The following ENOX2 variants were observed in gnomAD, a reference collection of about 807,000 sequenced individuals.
ENOX2 encodes the protein ecto-NOX disulfide-thiol exchanger 2, also known as APK1 antigen.
In ENOX2, 36 loss-of-function variants were observed where a neutral mutation model predicts 45.0. The observed-to-expected ratio is 0.80, with a 90% confidence interval of 0.61 to 1.06. ENOX2 has a LOEUF of 1.06. ENOX2 is among the 50% of genes least tolerant of loss of function. The pLI, the probability that ENOX2 is intolerant of heterozygous loss-of-function variation, is 0.00. For missense variants in ENOX2, 423 were observed against 462.5 expected (o/e 0.91, Z 0.78); for synonymous variants, 174 against 152.3 (o/e 1.14, Z -1.05).
intron 10 of ENOX2, among the ~76,000 whole-genome samples, chrX:130,647,524 C>G (rs1359012463): frequency 1.8e-5 from 2 of 111,365 alleles, no homozygotes; most frequent in East Asian, 5.6e-4. Flanking sequence ...ATAAAGCACT[C>G]CCCATTTTTC....
At chrX:130,841,941 T>C (rs1193767588) in intron 2 of ENOX2, among the ~76,000 whole-genome samples, 3 of 112,502 alleles carry the variant, frequency 2.7e-5, no homozygotes, top group Non-Finnish European at 5.6e-5. Flanking sequence ...CTTTTCCAAT[T>C]TGATTTATGC....
intron 9 of ENOX2, among the ~76,000 whole-genome samples, chrX:130,657,080 TTC>T (rs1484136696): frequency 8.9e-6 from 1 of 112,115 alleles, no homozygotes; most frequent in Non-Finnish European, 1.9e-5. Context: ...TGCCATTCTC[TTC>T]TCTGTCTTTT....
At chrX:130,761,801 C>T (rs1250825628) in intron 3 of ENOX2, among the ~76,000 whole-genome samples, 2 of 111,077 alleles carry the variant, frequency 1.8e-5, no homozygotes, top group African/African-American at 6.6e-5. Flanking sequence ...GGGTTCTGCC[C>T]CCATGACCCA....
chrX:130,832,436 C>CAT (rs1556500557), intron 2 of ENOX2, among the ~76,000 whole-genome samples: 129 of 78,836 alleles, frequency 1.6e-3, no homozygotes, highest in Non-Finnish European at 2.3e-3. Flanking sequence ...CACACACACA[C>CAT]ACATACACAC....
At chrX:130,669,922 G>T (rs1275939623) in intron 7 of ENOX2, 43 bp downstream of exon 7, 1 of 967,565 alleles carries the variant, frequency 1.0e-6, no homozygotes, top group East Asian at 3.1e-5. Flanking sequence ...CTTCTCTAAA[G>T]AAAAGAGTTC....
chrX:130,803,697 G>C (rs1292380351), intron 2 of ENOX2, among the ~76,000 whole-genome samples: 2 of 111,420 alleles, frequency 1.8e-5, no homozygotes, highest in African/African-American at 6.5e-5. Flanking sequence ...GAATTAAAAA[G>C]TTGTTATAGG....
At chrX:130,707,293 G>A (rs1308908467) in intron 3 of ENOX2, among the ~76,000 whole-genome samples, 1 of 111,759 alleles carries the variant, frequency 8.9e-6, no homozygotes, top group African/African-American at 3.3e-5. Context: ...GAGTGGCTGT[G>A]AGTAAGTGCC....
Position 130,676,630 on chromosome X carries a change from C to T in ENOX2, c.460+2912G>A, listed in dbSNP as rs948998849. Among the ~76,000 whole-genome samples the T allele has an allele frequency of 2.7e-5, 3 of 111,231 alleles. No individual in the cohort carries two copies. The South Asian group carries it at 1.2e-3, about 43-fold the overall frequency. ...CTTTATGTTCTTATTAAAATAGTCT[C>T]GTGGAATGCTCTGTTATTATTAAGT... On this transcript the variant is annotated intron_variant, in intron 6 of 14. Coordinates refer to ENST00000394363, the MANE Select transcript of ENOX2 (RefSeq NM_006375.4).
chrX:130,682,583 CAAAA>C (rs55875735), intron 5 of ENOX2, among the ~76,000 whole-genome samples: 9 of 14,652 alleles, frequency 6.1e-4, no homozygotes, highest in African/African-American at 1.8e-3. Flanking sequence ...GACTCCGTCT[CAAAA>C]AAAAAAAAAA....
At chrX:130,882,335 A>AT (rs560396895) in intron 2 of ENOX2, among the ~76,000 whole-genome samples, 1 of 89,317 alleles carries the variant, frequency 1.1e-5, no homozygotes, top group Admixed American at 1.2e-4. Flanking sequence ...TCTATTTGGA[A>AT]AAAAAAAAAA....
chrX:130,895,508 C>G (rs771585826), intron 2 of ENOX2, among the ~76,000 whole-genome samples: 2 of 112,134 alleles, frequency 1.8e-5, no homozygotes, highest in East Asian at 5.6e-4. Context: ...CAATGTTGTT[C>G]TCTGAAGTAA....
At chrX:130,854,938 A>C (rs1439507659) in intron 2 of ENOX2, among the ~76,000 whole-genome samples, 1 of 111,741 alleles carries the variant, frequency 8.9e-6, no homozygotes, top group Non-Finnish European at 1.9e-5. Context: ...AAGCATCTAC[A>C]AAAAAAATCT....
Position 130,807,785 on chromosome X carries a change from C to G in ENOX2, c.-182-24095G>C, listed in dbSNP as rs139630006. Among the ~76,000 whole-genome samples the G allele has an allele frequency of 8.0e-3, 899 of 111,807 alleles. 10 individuals are homozygous for G. The highest frequency in any genetic ancestry group is 0.028 in the African/African-American group (847 of 30,757). ...CTTTTCAAACAACCAGAATAGTAGA[C>G]TAAGAAGGGCTCTGGAGTCAAACTG... On this transcript the variant is annotated intron_variant, in intron 2 of 14. Transcript: ENST00000394363.
chrX:130,709,180 T>C lies in ENOX2; in HGVS notation c.-38-5926A>G, dbSNP rs375801363. ...GTGACTAGCTCAAAGTAGGTGCCAA[T>C]AAGTGTGTTTTTAAATAAGAGAACT... On this transcript the variant is annotated intron_variant, in intron 3 of 14. Coordinates refer to ENST00000394363, the MANE Select transcript of ENOX2 (RefSeq NM_006375.4). 480 of 978,562 alleles carry C rather than the reference T, an allele frequency of 4.9e-4. 2 individuals are homozygous for C. Among genetic ancestry groups the C allele is most frequent in the South Asian group, 4.5e-3 (233 of 51,769 alleles). The allele number at this position is 978,562 out of a possible 1,213,427, so 80.6% of individuals were successfully genotyped here.
intron 13 of ENOX2, among the ~76,000 whole-genome samples, chrX:130,629,140 A>G (rs1162624678): frequency 8.9e-6 from 1 of 112,285 alleles, no homozygotes; most frequent in Non-Finnish European, 1.9e-5. Flanking sequence ...GCAGGGCTCA[A>G]AATCTGTTCC....
chrX:130,630,358 T>C (rs1456584015), intron 13 of ENOX2, among the ~76,000 whole-genome samples: 1 of 111,168 alleles, frequency 9.0e-6, no homozygotes, highest in African/African-American at 3.3e-5. Flanking sequence ...GGGGGCCCCT[T>C]ATAACTTTAG....
At chrX:130,744,776 C>T (rs2039061451) in intron 3 of ENOX2, among the ~76,000 whole-genome samples, 1 of 111,259 alleles carries the variant, frequency 9.0e-6, no homozygotes, top group Non-Finnish European at 1.9e-5. Context: ...ATAGGGGTTC[C>T]CAACCCCTAG....
intron 3 of ENOX2, among the ~76,000 whole-genome samples, chrX:130,782,954 T>C (rs1297649070): frequency 8.9e-6 from 1 of 111,839 alleles, no homozygotes; most frequent in African/African-American, 3.3e-5. Context: ...ATAGAGGGTT[T>C]AGAAGAATCT....
intron 8 of ENOX2, among the ~76,000 whole-genome samples, chrX:130,667,226 C>T (rs2036857241): frequency 8.9e-6 from 1 of 111,954 alleles, no homozygotes; most frequent in Non-Finnish European, 1.9e-5. Context: ...GTAACTTTAG[C>T]AATAAAATAC....
Sources: allele counts gnomAD v4.1 joint callset (sites outside exome capture counted in the v4.1 genomes callset), GRCh38; gene constraint gnomAD v4.1.1; transcripts MANE v1.5; gene names NCBI Gene and HGNC (gene_info 2026-07-23, HGNC 2026-07-21).